Variants in ITGAE observed in about 807,000 individuals in gnomAD.
ITGAE encodes the protein integrin alpha-E.
A neutral mutation model predicts 136.5 loss-of-function variants in ITGAE; 99 were observed. The observed-to-expected ratio is 0.73, with a 90% CI of 0.62 to 0.86. The LOEUF (loss-of-function observed/expected upper bound fraction) is 0.86. ITGAE is among the 40% of genes least tolerant of loss of function. The pLI is 0.00. For missense variants in ITGAE, 1,447 were observed against 1,515.3 expected, an observed-to-expected ratio of 0.95 and a Z score of 0.75; for synonymous variants, 613 against 591.8, an observed-to-expected ratio of 1.04 and a Z score of -0.52.
At chr17:3,772,753 C>G (rs180889741) in intron 2 of ITGAE, among the ~76,000 whole-genome samples, 1 of 152,094 alleles carries the variant, frequency 6.6e-6, no homozygotes, top group African/African-American at 2.4e-5. Context: ...CGTGAGCCAC[C>G]GCGCCTGGCA....
intron 1 of ITGAE, among the ~76,000 whole-genome samples, chr17:3,779,237 C>T (rs141676544): frequency 1.9e-3 from 287 of 152,228 alleles, no homozygotes; most frequent in African/African-American, 6.5e-3. Flanking sequence ...GTAAATATTA[C>T]CTTAAAGAAG....
rs376787908 is a variant in ITGAE, at chr17:3,756,983, C to T, written c.1171+1G>A. On this transcript the variant is annotated splice_donor_variant, in intron 10 of 30. Transcript: ENST00000263087. LOFTEE classifies it high-confidence loss of function. ...GGTGGCCTGGGTCCCGGAGCCCTCA[C>T]CTTCCATGCTGATGATGTTGTACCG... The T allele has an allele frequency of 5.0e-5, 80 of 1,612,684 alleles. No individual in the cohort carries two copies. Among genetic ancestry groups the T allele is most frequent in the Non-Finnish European group, 6.3e-5 (74 of 1,179,252 alleles).
chr17:3,726,007 C>G (rs746953901), intron 26 of ITGAE: 3 of 1,613,858 alleles, frequency 1.9e-6, no homozygotes, highest in Non-Finnish European at 2.5e-6. Context: ...TACACCCTGT[C>G]GCGCTTGGAA....
intron 10 of ITGAE, among the ~76,000 whole-genome samples, chr17:3,756,430 C>A (rs2052029221): frequency 7.1e-6 from 1 of 141,732 alleles, no homozygotes; most frequent in South Asian, 2.3e-4. Flanking sequence ...GAGATGGAGC[C>A]TCGCTCTGTC....
At chr17:3,721,948 G>C (rs2143006939) in intron 28 of ITGAE, 1 of 152,324 alleles carries the variant, frequency 6.6e-6, no homozygotes, top group East Asian at 1.9e-4. Flanking sequence ...GGGAGGCCAA[G>C]GAGGGCGGAT....
At chr17:3,758,985 C>T (rs768878490) in intron 8 of ITGAE, among the ~76,000 whole-genome samples, 5 of 151,678 alleles carry the variant, frequency 3.3e-5, no homozygotes, top group Admixed American at 1.3e-4. Context: ...ATTAACTGGG[C>T]GTGGTGGTGG....
rs767337134 is a variant in ITGAE, at chr17:3,755,169, G to A, written c.1332C>T (p.Asn444=). 6.5e-7 allele frequency: 1 copy of A among 1,540,192 alleles called. No homozygotes were observed. Among genetic ancestry groups the A allele is most frequent in the Non-Finnish European group, 8.8e-7 (1 of 1,139,006 alleles). The change falls in exon 12 of 31, where the codon AAC becomes AAT. Residue 444 remains asparagine (N), a synonymous_variant. Coordinates refer to ENST00000263087, the MANE Select transcript of ITGAE (RefSeq NM_002208.5). ...DTRSRRGRFL[N]QTAAAAADAE... ...CGTCTGCCGCCGCCGCCGCTGTCTG[G>A]TTCAGGAAGCGGCCCCGGCGGCTGC... is the stretch of plus-strand genomic sequence containing the variant.
intron 2 of ITGAE, among the ~76,000 whole-genome samples, chr17:3,776,075 T>C (rs866225452): frequency 4.7e-5 from 7 of 147,612 alleles, no homozygotes; most frequent in Middle Eastern, 3.6e-3. Flanking sequence ...TTTTTTTTTT[T>C]GAGACGGAGT....
chr17:3,737,445 C>T (rs1311621225), intron 20 of ITGAE, among the ~76,000 whole-genome samples: 3 of 142,324 alleles, frequency 2.1e-5, no homozygotes, highest in Non-Finnish European at 4.5e-5. Flanking sequence ...TGAGTGGTGC[C>T]GGTGGCTGAG....
chr17:3,795,970 T>G (rs1042722510), intron 1 of ITGAE, among the ~76,000 whole-genome samples: 8 of 122,156 alleles, frequency 6.5e-5, no homozygotes, highest in African/African-American at 2.7e-4. Flanking sequence ...TGTGTGCGTG[T>G]GTGCATCCGT....
At chr17:3,797,155 ATATTTT>A (rs1485934170) in intron 1 of ITGAE, among the ~76,000 whole-genome samples, 2 of 24,032 alleles carry the variant, frequency 8.3e-5, no homozygotes, top group African/African-American at 1.5e-4. Flanking sequence ...ATATATATAT[ATATTTT>A]TTTTTTTTTT....
chr17:3,765,953 G>A (rs981314285), intron 2 of ITGAE, among the ~76,000 whole-genome samples: 3 of 152,144 alleles, frequency 2.0e-5, no homozygotes, highest in East Asian at 1.9e-4. Context: ...CCCCAAAGAA[G>A]GCCACGTCCT....
At chr17:3,732,169 C>T (rs1213755851) in intron 22 of ITGAE, among the ~76,000 whole-genome samples, 199 bp downstream of exon 22, 3 of 152,208 alleles carry the variant, frequency 2.0e-5, no homozygotes, top group African/African-American at 7.2e-5. Flanking sequence ...GGCAGTTCAC[C>T]TAGGGCTGTG....
chr17:3,762,125 G>T, intron 3 of ITGAE, 143 bp from the exon 4 acceptor site: 1 of 670,072 alleles, frequency 1.5e-6, no homozygotes, highest in African/African-American at 1.8e-5. Context: ...TAGAAAGCTA[G>T]AGCGGGGGCC....
chr17:3,746,513 C>T (rs1247947837), intron 17 of ITGAE, among the ~76,000 whole-genome samples: 25 of 151,024 alleles, frequency 1.7e-4, no homozygotes, highest in East Asian at 7.8e-4. Flanking sequence ...TGGAGTGCAG[C>T]GGCGCGATCT....
At chr17:3,777,469 C>T in intron 2 of ITGAE, 71 bp downstream of exon 2, 1 of 1,531,540 alleles carries the variant, frequency 6.5e-7, no homozygotes, top group Non-Finnish European at 8.8e-7. Flanking sequence ...CCATGGCCGT[C>T]TCTGGGGCCC....
intron 1 of ITGAE, among the ~76,000 whole-genome samples, chr17:3,785,397 A>T (rs2052759145): frequency 6.6e-6 from 1 of 151,866 alleles, no homozygotes; most frequent in African/African-American, 2.4e-5. Flanking sequence ...TGAACCAGGG[A>T]GGTGGAGGTT....
chr17:3,782,806 G>C (rs186247981), intron 1 of ITGAE, among the ~76,000 whole-genome samples: 52 of 152,166 alleles, frequency 3.4e-4, no homozygotes, highest in Middle Eastern at 3.4e-3. Flanking sequence ...TTGGTTTAGT[G>C]ACTTTTTCGT....
chr17:3,795,932 T>C (rs993536269), intron 1 of ITGAE, among the ~76,000 whole-genome samples: 2 of 148,130 alleles, frequency 1.4e-5, no homozygotes, highest in Non-Finnish European at 3.0e-5. Context: ...TGTGCATCCG[T>C]GTGTGTGCAT....
Sources: gnomAD v4.1 joint callset for allele counts (sites outside exome capture counted in the v4.1 genomes callset) on GRCh38, gnomAD v4.1.1 for gene constraint, MANE v1.5 for transcripts, NCBI Gene and HGNC (gene_info 2026-07-23, HGNC 2026-07-21) for gene names.